HHIPL1: variants seen among roughly 807,000 people sequenced by gnomAD.
The protein encoded by HHIPL1 is HHIP like 1.
Under a neutral mutation model 61.8 loss-of-function variants are expected in HHIPL1, and 43 were observed. The observed-to-expected ratio is 0.70, with a 90% CI of 0.55 to 0.90. The LOEUF (loss-of-function observed/expected upper bound fraction) is 0.90, where lower values mean the gene tolerates loss of function less well. Ranked by LOEUF, HHIPL1 falls within the 40% of genes least tolerant of loss-of-function variation. HHIPL1 has a pLI of 0.00. For synonymous variants in HHIPL1, 482 were observed against 515.8 expected (o/e 0.93, Z 0.89); for missense variants, 1,056 against 1,157.7 (o/e 0.91, Z 1.28).
upstream of HHIPL1, among the ~76,000 whole-genome samples, chr14:99,644,683 C>T (rs2055798036): frequency 6.6e-6 from 1 of 152,132 alleles, no homozygotes. Context: ...GAGACTGCTC[C>T]GTCCTCCCTC....
rs1414256761 is a variant in HHIPL1 at position 99,659,717 on chromosome 14, G to C, written c.1336G>C (p.Glu446Gln). 2 of 1,479,932 alleles carry C rather than the reference G, an allele frequency of 1.4e-6. No homozygotes were observed. Among genetic ancestry groups the C allele is most frequent in the Non-Finnish European group, 1.8e-6 (2 of 1,120,976 alleles). 91.7% of individuals were successfully genotyped at this position (1,479,932 alleles called of 1,614,324 possible). The change falls in exon 4 of 9, where the codon GAG (glutamate) becomes CAG (glutamine). Residue 446 changes from glutamate to glutamine, a missense_variant. By Grantham distance (29) the Glu-to-Gln change is conservative. Coordinates refer to ENST00000330710, the MANE Select transcript of HHIPL1 (RefSeq NM_001127258.3). Reference protein sequence around the residue: ...NYGWRAREGFECYDRSLCANT... With the variant: ...NYGWRAREGFQCYDRSLCANT... ...TGGCTGGCGCGCGCGCGAAGGGTTC[G>C]AGTGCTACGACCGCAGCCTGTGCGC...
chr14:99,678,462 C>A lies in HHIPL1; in HGVS notation c.*2836C>A, dbSNP rs1388024877. The A allele has an allele frequency of 6.6e-6, 1 of 152,222 alleles. No homozygotes were observed. The highest frequency in any genetic ancestry group is 1.9e-4 in the East Asian group (1 of 5,200). The allele number at this position is 152,222 out of a possible 1,614,324, so 9.4% of individuals were successfully genotyped here. A position where few individuals can be genotyped will look rare whatever the true frequency, so the allele number is the denominator to read the frequency against. On this transcript the variant is annotated 3_prime_UTR_variant, in exon 9 of 9. Transcript: ENST00000330710. The stretch of plus-strand genomic sequence containing the variant: ...CAGATGGAACAATAGTGAGAGGACA[C>A]CTGAACAAAGGAGGGAAGCAATTGT...
intron 2 of HHIPL1, 41 bp from the exon 3 acceptor site, chr14:99,656,959 G>T: frequency 6.5e-7 from 1 of 1,539,968 alleles, no homozygotes; most frequent in Non-Finnish European, 8.7e-7. Flanking sequence ...TTTGGCTCAT[G>T]CGTGGAAGGC....
the HHIPL1 span, chr14:99,625,077 C>A: frequency 7.2e-5 from 11 of 152,240 alleles, no homozygotes; most frequent in Non-Finnish European, 1.0e-4. Flanking sequence ...GCCGCAGGAA[C>A]CTTTCATCAT....
intron 1 of HHIPL1, 35 bp downstream of exon 1, chr14:99,645,497 C>A (rs1371772821): frequency 1.6e-6 from 2 of 1,258,602 alleles, no homozygotes; most frequent in East Asian, 3.3e-5. Flanking sequence ...CGGGGCGGGG[C>A]GCGGGAGGCC....
the HHIPL1 span, among the ~76,000 whole-genome samples, chr14:99,628,163 G>A: frequency 6.6e-6 from 1 of 152,218 alleles, no homozygotes; most frequent in Non-Finnish European, 1.5e-5. Context: ...AGGCAGGCAG[G>A]AGCCCAGGTC....
chr14:99,605,387 CG>C, the HHIPL1 span, among the ~76,000 whole-genome samples: 575 of 115,834 alleles, frequency 5.0e-3, 22 homozygotes, highest in African/African-American at 0.018. Flanking sequence ...CGGGGCGGGG[CG>C]GGGGGGGGTC....
At chr14:99,665,147 G>A (rs570672791) in intron 6 of HHIPL1, among the ~76,000 whole-genome samples, 1 of 151,970 alleles carries the variant, frequency 6.6e-6, no homozygotes, top group Admixed American at 6.6e-5. Context: ...GCCTGGTCTC[G>A]AACCCCTGAC....
the HHIPL1 span, among the ~76,000 whole-genome samples, chr14:99,613,630 C>A: frequency 6.6e-6 from 1 of 151,976 alleles, no homozygotes. Flanking sequence ...AGTTCCAGGC[C>A]GGGCACAGTG....
chr14:99,646,593 G>A (rs1445396077), intron 1 of HHIPL1, among the ~76,000 whole-genome samples: 1 of 152,120 alleles, frequency 6.6e-6, no homozygotes, highest in African/African-American at 2.4e-5. Context: ...TGGCCAACAT[G>A]GCGAAACTCC....
intron 1 of HHIPL1, among the ~76,000 whole-genome samples, chr14:99,648,248 G>C (rs2055872527): frequency 6.6e-6 from 1 of 152,194 alleles, no homozygotes; most frequent in Non-Finnish European, 1.5e-5. Context: ...TTGGTTGCAT[G>C]TTGATAGCTC....
At chr14:99,611,060 A>G in the HHIPL1 span, among the ~76,000 whole-genome samples, 1 of 152,226 alleles carries the variant, frequency 6.6e-6, no homozygotes, top group Admixed American at 6.5e-5. Context: ...GCCCTTGGCT[A>G]AGAACTACTG....
chr14:99,673,228 G>A (rs962693458), intron 8 of HHIPL1, among the ~76,000 whole-genome samples: 1 of 152,002 alleles, frequency 6.6e-6, no homozygotes, highest in African/African-American at 2.4e-5. Flanking sequence ...CCGGGTAGAG[G>A]GGGAAGGGTC....
the HHIPL1 span, among the ~76,000 whole-genome samples, chr14:99,611,094 T>C: frequency 2.2e-4 from 33 of 152,202 alleles, no homozygotes; most frequent in African/African-American, 8.0e-4. Flanking sequence ...ATTGCATGCA[T>C]ATATTACCTT....
At chr14:99,624,301 C>T in the HHIPL1 span, among the ~76,000 whole-genome samples, 1 of 152,162 alleles carries the variant, frequency 6.6e-6, no homozygotes, top group Non-Finnish European at 1.5e-5. Flanking sequence ...GACCTGCTGC[C>T]AATCAGCTCT....
At chr14:99,619,999 G>A in the HHIPL1 span, among the ~76,000 whole-genome samples, 2 of 152,274 alleles carry the variant, frequency 1.3e-5, no homozygotes, top group Non-Finnish European at 2.9e-5. Flanking sequence ...CTTCAAGGAG[G>A]GGCAGCCAGC....
chr14:99,643,804 C>T (rs2055785002), upstream of HHIPL1, among the ~76,000 whole-genome samples: 2 of 152,182 alleles, frequency 1.3e-5, no homozygotes, highest in Non-Finnish European at 2.9e-5. Context: ...CCTCCTCTGT[C>T]TGTGCAGAAT....
chr14:99,617,034 AGT>A, the HHIPL1 span, among the ~76,000 whole-genome samples: 1 of 152,214 alleles, frequency 6.6e-6, no homozygotes, highest in African/African-American at 2.4e-5. Flanking sequence ...GGGGCCGAGA[AGT>A]GGCCCCAGAG....
Position 99,668,923 on chromosome 14 carries a change from A to T in HHIPL1, c.1730+620A>T. 4.3e-6 allele frequency: 7 copies of T among 1,612,440 alleles called. No homozygotes were observed. The highest frequency in any genetic ancestry group is 5.9e-6 in the Non-Finnish European group (7 of 1,178,636). On this transcript the variant is annotated intron_variant, in intron 7 of 8. Coordinates refer to ENST00000330710, the MANE Select transcript of HHIPL1 (RefSeq NM_001127258.3). The surrounding 1 kb of genome is among the most constrained non-coding windows in gnomAD (Gnocchi z 4.7). ...TCAGCCGTTCATTTTACAGTGGTGG[A>T]AATGAGCACAAAGACACGAAGTCAT...
Sources: gnomAD v4.1 joint callset for allele counts (sites outside exome capture counted in the v4.1 genomes callset) on GRCh38, gnomAD v4.1.1 for gene constraint, Gnocchi (gnomAD v3.1) non-coding constraint, MANE v1.5 for transcripts, NCBI Gene and HGNC (gene_info 2026-07-23, HGNC 2026-07-21) for gene names.